The following XPO1 variants were observed in gnomAD, a reference collection of about 807,000 sequenced individuals.
The protein encoded by XPO1 is exportin-1.
Under a neutral mutation model 133.3 loss-of-function variants are expected in XPO1, and 5 were observed. The ratio of observed to expected loss-of-function variants is 0.04; its 90% CI spans 0.02 to 0.08. The LOEUF is 0.08. Among genes scored for constraint, XPO1 ranks in the 10% least tolerant of loss-of-function variants. The probability of loss-of-function intolerance (pLI) is 1.00; values close to 1 mark genes in which losing one functional copy is unlikely to be tolerated. For missense variants in XPO1, 506 were observed against 1,267.5 expected (o/e 0.40, Z 9.12); for synonymous variants, 419 against 408.2 (o/e 1.03, Z -0.32).
At chr2:61,528,974 G>A (rs1255280349) in intron 2 of XPO1, among the ~76,000 whole-genome samples, 37 of 151,984 alleles carry the variant, frequency 2.4e-4, no homozygotes, top group East Asian at 1.9e-4. Context: ...TGGACCAGGT[G>A]TGGTGGCTCA....
At chr2:61,530,016 G>C (rs1030385284) in intron 2 of XPO1, among the ~76,000 whole-genome samples, 2 of 152,200 alleles carry the variant, frequency 1.3e-5, no homozygotes, top group Admixed American at 6.5e-5. Flanking sequence ...ACAGAAGGCC[G>C]AAAGAATAAT....
intron 22 of XPO1, 28 bp downstream of exon 22, chr2:61,482,929 T>G (rs1162092547): frequency 1.8e-5 from 29 of 1,612,524 alleles, no homozygotes; most frequent in Non-Finnish European, 2.5e-5. Flanking sequence ...AGCTGGCACT[T>G]AACATTTAAA....
chr2:61,495,403 G>A, intron 11 of XPO1, 52 bp downstream of exon 11: 1 of 1,435,558 alleles, frequency 7.0e-7, no homozygotes, highest in Non-Finnish European at 9.2e-7. Flanking sequence ...ACTTTTAAGA[G>A]TTATTAGTAG....
intron 4 of XPO1, among the ~76,000 whole-genome samples, chr2:61,521,465 G>A (rs1698686005): frequency 6.6e-6 from 1 of 152,138 alleles, no homozygotes; most frequent in African/African-American, 2.4e-5. Context: ...AATATAGTAG[G>A]TAAAAAGGCA....
intron 2 of XPO1, among the ~76,000 whole-genome samples, chr2:61,533,016 T>C (rs1252203776): frequency 6.6e-6 from 1 of 151,332 alleles, no homozygotes; most frequent in Non-Finnish European, 1.5e-5. Context: ...CCATCTCTAC[T>C]AAAAATACAA....
intron 19 of XPO1, 26 bp from the exon 20 acceptor site, chr2:61,485,988 T>C (rs527983058): frequency 2.4e-5 from 38 of 1,580,142 alleles, no homozygotes; most frequent in Non-Finnish European, 3.3e-5. Context: ...AAAAAAGTTA[T>C]GTTTTAATTT....
At chr2:61,493,764 C>A in intron 12 of XPO1, 130 bp downstream of exon 12, 1 of 965,082 alleles carries the variant, frequency 1.0e-6, no homozygotes, top group East Asian at 2.4e-5. Flanking sequence ...TCTAGTTTTC[C>A]ACACTCATGG....
intron 2 of XPO1, among the ~76,000 whole-genome samples, chr2:61,529,287 A>T (rs1217302496): frequency 6.6e-6 from 1 of 152,254 alleles, no homozygotes; most frequent in Non-Finnish European, 1.5e-5. Flanking sequence ...ACAGGGTAGG[A>T]AGCACTCTCA....
chr2:61,481,306 A>T (rs1696337334), intron 23 of XPO1, 25 bp from the exon 24 acceptor site: 1 of 1,562,644 alleles, frequency 6.4e-7, no homozygotes, highest in Non-Finnish European at 8.7e-7. Context: ...ACAATGATTA[A>T]ATAATGATTT....
chr2:61,504,829 T>C (rs1697715740), intron 4 of XPO1, among the ~76,000 whole-genome samples: 1 of 152,096 alleles, frequency 6.6e-6, no homozygotes, highest in Non-Finnish European at 1.5e-5. Context: ...TTTCCCACAA[T>C]ATCCCAAATA....
chr2:61,501,721 C>CAA (rs34659499), intron 6 of XPO1, among the ~76,000 whole-genome samples: 47,214 of 110,672 alleles, frequency 0.43, 9,979 homozygotes, highest in East Asian at 0.61. Context: ...AGACTGTCTC[C>CAA]AAAAAAAAAA....
In XPO1 at chr2:61,522,621, G is replaced by A. The variant is rs2104750783; in HGVS notation, c.291C>T (p.Asn97=). ...IKTRWKILPR[N]QCEGIKKYVV... is the part of the protein sequence containing the mutation. The stretch of plus-strand genomic sequence containing the variant: ...TCTTTATTTTCCTACCTTCGCACTG[G>A]TTCCTTGGAAGAATCTTCCACCTTG... The change falls in exon 4 of 25, where the codon AAC becomes AAT. Residue 97 remains asparagine, a synonymous_variant. Transcript: ENST00000401558. The A allele has an allele frequency of 3.1e-6, 5 of 1,613,616 alleles. No homozygotes were observed. In the South Asian group the frequency reaches 4.4e-5, roughly 14 times the overall value.
intron 24 of XPO1, among the ~76,000 whole-genome samples, chr2:61,479,448 G>GCC (rs770850337): frequency 8.4e-6 from 1 of 118,984 alleles, no homozygotes; most frequent in African/African-American, 3.1e-5. Context: ...GCGAGACTGT[G>GCC]CCCCCCCAAA....
intron 4 of XPO1, among the ~76,000 whole-genome samples, chr2:61,510,083 C>A (rs1174930542): frequency 6.6e-6 from 1 of 152,014 alleles, no homozygotes; most frequent in African/African-American, 2.4e-5. Context: ...AGTTTGAGAC[C>A]AGCCAGGCCA....
chr2:61,525,359 A>T, intron 3 of XPO1: 2 of 985,560 alleles, frequency 2.0e-6, no homozygotes, highest in Non-Finnish European at 2.4e-6. Context: ...AACATAATGG[A>T]ACATTATGAT....
chr2:61,478,792 G>C lies in XPO1; in HGVS notation c.*28C>G, dbSNP rs1233633462. On this transcript the variant is annotated 3_prime_UTR_variant, in exon 25 of 25. Coordinates refer to ENST00000401558, the MANE Select transcript of XPO1 (RefSeq NM_003400.4). The stretch of plus-strand genomic sequence containing the variant: ...TGTTTTCCTCTGCTAACGAGTTGCA[G>C]AGAAAAAAAACAGCATGAATTTGGA... The C allele has an allele frequency of 6.2e-7, 1 of 1,608,106 alleles. No homozygotes were observed. The highest frequency in any genetic ancestry group is 8.5e-7 in the Non-Finnish European group (1 of 1,177,006).
At position 61,494,106 on chromosome 2, in the gene XPO1, A is replaced by C; in HGVS notation, c.1048-15T>G. On this transcript the variant is annotated splice_polypyrimidine_tract_variant and intron_variant, in intron 11 of 24. Transcript: ENST00000401558. The stretch of plus-strand genomic sequence containing the variant: ...TAATGAAGGGCCTACACAGAAGACC[A>C]AAACTGTTAAAATAATTCTTAAACA... 1 of 1,599,862 alleles carries C rather than the reference A, an allele frequency of 6.3e-7. No individual in the cohort carries two copies. Among genetic ancestry groups the C allele is most frequent in the Non-Finnish European group, 8.5e-7 (1 of 1,174,704 alleles).
chr2:61,528,562 G>A (rs1305725595), intron 2 of XPO1, among the ~76,000 whole-genome samples: 2 of 150,544 alleles, frequency 1.3e-5, no homozygotes, highest in South Asian at 2.1e-4. Flanking sequence ...GAATCCAGGA[G>A]CGGAGGTTGC....
intron 4 of XPO1, among the ~76,000 whole-genome samples, chr2:61,502,957 TTTC>T (rs1697608419): frequency 1.0e-5 from 1 of 98,162 alleles, no homozygotes; most frequent in Non-Finnish European, 2.0e-5. Flanking sequence ...GTTCCATGTG[TTTC>T]TTTTCTTTTT....
Sources: gnomAD v4.1 joint callset for allele counts (sites outside exome capture counted in the v4.1 genomes callset) on GRCh38, gnomAD v4.1.1 for gene constraint, MANE v1.5 for transcripts, NCBI Gene and HGNC (gene_info 2026-07-23, HGNC 2026-07-21) for gene names.